SIPA1L2: variants seen among roughly 807,000 people sequenced by gnomAD.
SIPA1L2 encodes the protein signal-induced proliferation-associated 1-like protein 2.
In SIPA1L2, 56 loss-of-function variants were observed where a neutral mutation model predicts 163.9. That is an observed-to-expected ratio of 0.34 (90% CI 0.28 to 0.43). The LOEUF (loss-of-function observed/expected upper bound fraction) is 0.43. Ranked by LOEUF, SIPA1L2 falls within the 20% of genes least tolerant of loss-of-function variation. SIPA1L2 has a pLI of 1.00. For synonymous variants in SIPA1L2, 877 were observed against 865.7 expected, an observed-to-expected ratio of 1.01 and a Z score of -0.23; for missense variants, 1,974 against 2,193.5, an observed-to-expected ratio of 0.90 and a Z score of 2.00.
intron 1 of SIPA1L2, among the ~76,000 whole-genome samples, chr1:232,604,118 T>G (rs1207394554): frequency 1.3e-5 from 2 of 152,126 alleles, no homozygotes; most frequent in Non-Finnish European, 2.9e-5. Flanking sequence ...CTTATCAGTT[T>G]AAGAATCTTC....
intron 15 of SIPA1L2, among the ~76,000 whole-genome samples, chr1:232,434,672 T>A (rs1662446706): frequency 6.6e-6 from 1 of 152,202 alleles, no homozygotes; most frequent in South Asian, 2.1e-4. Context: ...ACATGAAAAC[T>A]GTGTGTCTAG....
At chr1:232,502,568 T>TA (rs61018840) in intron 3 of SIPA1L2, among the ~76,000 whole-genome samples, 9,111 of 150,834 alleles carry the variant, frequency 0.06, 640 homozygotes, top group Admixed American at 0.2. Context: ...GCAGGTGAAT[T>TA]AAAAAAAAAA....
chr1:232,566,358 C>A (rs1558272827), intron 2 of SIPA1L2, among the ~76,000 whole-genome samples: 3 of 151,984 alleles, frequency 2.0e-5, no homozygotes, highest in Non-Finnish European at 4.4e-5. Context: ...GATATTTCCT[C>A]CAAAGAGAAA....
intron 2 of SIPA1L2, among the ~76,000 whole-genome samples, chr1:232,542,284 G>T (rs1657732164): frequency 6.6e-6 from 1 of 152,170 alleles, no homozygotes; most frequent in Admixed American, 6.5e-5. Flanking sequence ...AGATACTGAG[G>T]TGATGGGGCA....
chr1:232,612,713 G>A (rs758382248), intron 1 of SIPA1L2, among the ~76,000 whole-genome samples: 25 of 152,278 alleles, frequency 1.6e-4, no homozygotes, highest in Non-Finnish European at 3.5e-4. Context: ...CAGGCTCATA[G>A]GTGGAAGGAA....
intron 15 of SIPA1L2, among the ~76,000 whole-genome samples, chr1:232,434,429 C>A (rs1204865630): frequency 2.0e-5 from 3 of 152,118 alleles, no homozygotes; most frequent in African/African-American, 7.2e-5. Context: ...TGGTCTGGTG[C>A]CCTTGAGTAT....
intron 1 of SIPA1L2, among the ~76,000 whole-genome samples, chr1:232,604,103 T>C (rs1236393864): frequency 2.6e-5 from 4 of 152,088 alleles, no homozygotes; most frequent in Non-Finnish European, 5.9e-5. Flanking sequence ...ATCCACAGAC[T>C]CTTGCTTATC....
intron 1 of SIPA1L2, among the ~76,000 whole-genome samples, chr1:232,597,554 A>C (rs936430843): frequency 6.6e-6 from 1 of 150,930 alleles, no homozygotes; most frequent in South Asian, 2.1e-4. Context: ...GCCGGGCGTG[A>C]TGGCGGGCGT....
chr1:232,494,690 A>C (rs1247712594), intron 3 of SIPA1L2, among the ~76,000 whole-genome samples: 1 of 152,236 alleles, frequency 6.6e-6, no homozygotes, highest in East Asian at 1.9e-4. Flanking sequence ...ACCCGAACTT[A>C]ACACAACATT....
chr1:232,528,052 A>G (rs1179232962), intron 2 of SIPA1L2, among the ~76,000 whole-genome samples: 1 of 144,894 alleles, frequency 6.9e-6, no homozygotes, highest in Non-Finnish European at 1.5e-5. Context: ...GTGAAAACTG[A>G]TCTCTTGTTA....
intron 2 of SIPA1L2, among the ~76,000 whole-genome samples, chr1:232,548,169 A>G (rs1338595284): frequency 6.6e-6 from 1 of 152,244 alleles, no homozygotes; most frequent in African/African-American, 2.4e-5. Context: ...TAGTATGATG[A>G]CTACAGTAAT....
chr1:232,551,429 G>C (rs1422103603), intron 2 of SIPA1L2, among the ~76,000 whole-genome samples: 1 of 152,194 alleles, frequency 6.6e-6, no homozygotes, highest in Non-Finnish European at 1.5e-5. Context: ...ATGCTCACTG[G>C]GGAGGCCTAA....
chr1:232,437,915 T>G (rs1662663467), intron 15 of SIPA1L2, among the ~76,000 whole-genome samples: 1 of 152,086 alleles, frequency 6.6e-6, no homozygotes. Context: ...AATGGTCATG[T>G]GGAGTGGGAA....
At chr1:232,536,448 C>A (rs1573044269) in intron 2 of SIPA1L2, among the ~76,000 whole-genome samples, 1 of 152,150 alleles carries the variant, frequency 6.6e-6, no homozygotes, top group South Asian at 2.1e-4. Flanking sequence ...ACTCTCCTGG[C>A]CTCTTGAATC....
At chr1:232,588,393 A>G (rs752926342) in intron 1 of SIPA1L2, among the ~76,000 whole-genome samples, 8 of 152,240 alleles carry the variant, frequency 5.3e-5, no homozygotes, top group Admixed American at 1.3e-4. Context: ...TTGAATAACC[A>G]CTGTGATCTT....
intron 7 of SIPA1L2, among the ~76,000 whole-genome samples, chr1:232,473,428 G>A (rs573706010): frequency 6.6e-6 from 1 of 152,312 alleles, no homozygotes; most frequent in African/African-American, 2.4e-5. Context: ...GTGATTGCCG[G>A]TGTGGCTTCA....
chr1:232,546,777 C>T (rs951462357), intron 2 of SIPA1L2, among the ~76,000 whole-genome samples: 2 of 152,110 alleles, frequency 1.3e-5, no homozygotes, highest in African/African-American at 2.4e-5. Flanking sequence ...ATGTTGACAG[C>T]GATATAGTGA....
At chr1:232,629,244 A>G (rs953217701) in intron 1 of SIPA1L2, among the ~76,000 whole-genome samples, 1 of 152,210 alleles carries the variant, frequency 6.6e-6, no homozygotes, top group Non-Finnish European at 1.5e-5. Flanking sequence ...ATTAATCTGT[A>G]GGTGTTCCCA....
intron 1 of SIPA1L2, among the ~76,000 whole-genome samples, chr1:232,600,374 C>T (rs180968238): frequency 6.6e-6 from 1 of 152,182 alleles, no homozygotes; most frequent in Non-Finnish European, 1.5e-5. Flanking sequence ...TCAATACTCC[C>T]CTTTTATTTT....
Sources: gnomAD v4.1 joint callset for allele counts (sites outside exome capture counted in the v4.1 genomes callset) on GRCh38, gnomAD v4.1.1 for gene constraint, MANE v1.5 for transcripts, NCBI Gene and HGNC (gene_info 2026-07-23, HGNC 2026-07-21) for gene names.